The following PLCH1 variants were observed in gnomAD, a reference collection of about 807,000 sequenced individuals.
The protein encoded by PLCH1 is 1-phosphatidylinositol 4,5-bisphosphate phosphodiesterase eta-1.
PLCH1 carries 60 observed loss-of-function variants against 126.7 expected under a neutral mutation model. That is an observed-to-expected ratio of 0.47 (90% CI 0.38 to 0.59). The LOEUF is 0.59. Ranked by LOEUF, PLCH1 falls within the 20% of genes least tolerant of loss-of-function variation. The pLI is 0.00. For synonymous variants in PLCH1, 719 were observed against 734.9 expected (o/e 0.98, Z 0.35); for missense variants, 1,723 against 2,040.0 (o/e 0.84, Z 2.99).
intron 2 of PLCH1, among the ~76,000 whole-genome samples, chr3:155,653,964 C>A (rs1417920278): frequency 6.6e-6 from 1 of 151,632 alleles, no homozygotes; most frequent in Non-Finnish European, 1.5e-5. Flanking sequence ...AAAAAATTGT[C>A]TGTCTCCATT....
At chr3:155,526,237 G>T (rs530890213) in intron 10 of PLCH1, among the ~76,000 whole-genome samples, 10 of 152,160 alleles carry the variant, frequency 6.6e-5, no homozygotes, top group African/African-American at 2.4e-4. Context: ...TTTGAGCGTG[G>T]CCTGGACCTA....
intron 2 of PLCH1, among the ~76,000 whole-genome samples, chr3:155,597,653 G>A (rs1191668999): frequency 6.6e-6 from 1 of 152,028 alleles, no homozygotes; most frequent in Non-Finnish European, 1.5e-5. Context: ...ATCTTAACTA[G>A]GAAAGATAAT....
At chr3:155,731,768 A>G (rs1748787281) in intron 1 of PLCH1, among the ~76,000 whole-genome samples, 1 of 152,116 alleles carries the variant, frequency 6.6e-6, no homozygotes, top group African/African-American at 2.4e-5. Flanking sequence ...ATATAACTTG[A>G]ATTCAGGAGT....
chr3:155,727,391 CTT>C (rs55862258), intron 1 of PLCH1, among the ~76,000 whole-genome samples: 14 of 141,570 alleles, frequency 9.9e-5, no homozygotes, highest in Non-Finnish European at 1.1e-4. Context: ...GTACGAAATC[CTT>C]TTTTTTTTTT....
At chr3:155,686,922 T>C (rs780775902) in intron 2 of PLCH1, among the ~76,000 whole-genome samples, 73 of 152,336 alleles carry the variant, frequency 4.8e-4, no homozygotes, top group South Asian at 8.3e-4. Context: ...TCGCAGTAAA[T>C]GTATACTCTC....
chr3:155,597,862 G>C (rs1325930648), intron 2 of PLCH1, among the ~76,000 whole-genome samples: 1 of 152,074 alleles, frequency 6.6e-6, no homozygotes, highest in Non-Finnish European at 1.5e-5. Context: ...CATTTTATCT[G>C]ACATATCAAA....
intron 2 of PLCH1, among the ~76,000 whole-genome samples, chr3:155,655,729 AGGGGGTAGTGG>A (rs1188136451): frequency 6.6e-6 from 1 of 152,224 alleles, no homozygotes; most frequent in African/African-American, 2.4e-5. Flanking sequence ...GGAAAAGAGA[AGGGGGTAGTGG>A]GGACTTAGGA....
At chr3:155,697,603 C>T (rs927767521) in intron 2 of PLCH1, among the ~76,000 whole-genome samples, 17 of 152,186 alleles carry the variant, frequency 1.1e-4, no homozygotes, top group African/African-American at 4.1e-4. Flanking sequence ...CAAGGGGCAA[C>T]TTCACACCCC....
At chr3:155,658,200 T>A (rs1179872099) in intron 2 of PLCH1, 1 of 205,196 alleles carries the variant, frequency 4.9e-6, no homozygotes, top group African/African-American at 2.3e-5. Flanking sequence ...CGAGGCAACA[T>A]CACTCTTGGG....
chr3:155,481,860 A>T lies in PLCH1; in HGVS notation c.4166T>A (p.Val1389Glu). 6.2e-7 allele frequency: 1 copy of T among 1,614,152 alleles called. No individual in the cohort carries two copies. The highest frequency in any genetic ancestry group is 8.5e-7 in the Non-Finnish European group (1 of 1,180,014). The change falls in exon 23 of 23, where the codon GTA (valine) becomes GAA (glutamate). Residue 1389 changes from valine (V) to glutamate (E), a missense_variant. Around this residue, in one of 2 missense-constraint regions of PLCH1, gnomAD observed 947 missense variants for 977.1 expected, o/e 0.97. Coordinates refer to ENST00000460012, the MANE Select transcript of PLCH1 (RefSeq NM_014996.4). This position sits in a 1 kb window ranked among gnomAD's most constrained non-coding sequence, Gnocchi z 4.2. ...PLKLKYNQGV[V>E]EHFQRGLRNG... ...TCTCAAACCTCTTTGAAAGTGTTCT[A>T]CCACACCCTGATTGTACTTGAGTTT...
chr3:155,619,511 A>AG (rs754498429), intron 2 of PLCH1, among the ~76,000 whole-genome samples: 1 of 151,950 alleles, frequency 6.6e-6, no homozygotes, highest in African/African-American at 2.4e-5. Context: ...AAAAAAAAAA[A>AG]AAGAAGAAAA....
chr3:155,538,698 G>T (rs537318926), intron 10 of PLCH1, among the ~76,000 whole-genome samples: 2 of 151,994 alleles, frequency 1.3e-5, no homozygotes, highest in Non-Finnish European at 2.9e-5. Flanking sequence ...GGTTAAACCA[G>T]GAAGAAACAG....
intron 21 of PLCH1, among the ~76,000 whole-genome samples, chr3:155,473,650 G>A (rs1713387528): frequency 6.6e-6 from 1 of 151,946 alleles, no homozygotes; most frequent in African/African-American, 2.4e-5. Context: ...AAAGCTGGAG[G>A]CATCACACTC....
At chr3:155,487,930 A>G (rs1715518247) in intron 21 of PLCH1, 98 bp downstream of exon 21, 2 of 800,110 alleles carry the variant, frequency 2.5e-6, no homozygotes, top group Non-Finnish European at 4.2e-6. Flanking sequence ...GTTCAAGAAC[A>G]GTTTGTCAAA....
intron 1 of PLCH1, among the ~76,000 whole-genome samples, chr3:155,728,197 C>T (rs977501243): frequency 1.3e-5 from 2 of 151,916 alleles, no homozygotes; most frequent in Non-Finnish European, 1.5e-5. Flanking sequence ...ATGGTATCAG[C>T]GGGGGGCGAG....
chr3:155,585,869 G>C, intron 5 of PLCH1, among the ~76,000 whole-genome samples, 196 bp downstream of exon 5: 1 of 152,182 alleles, frequency 6.6e-6, no homozygotes, highest in Non-Finnish European at 1.5e-5. Flanking sequence ...GTTTTAGGAA[G>C]TGAAATTTTG....
chr3:155,686,069 G>C (rs1343530203), intron 2 of PLCH1, among the ~76,000 whole-genome samples: 1 of 152,114 alleles, frequency 6.6e-6, no homozygotes, highest in Admixed American at 6.6e-5. Flanking sequence ...GGGGCAAAGG[G>C]CCATGAGGTA....
chr3:155,483,439 A>G, intron 22 of PLCH1: 1 of 1,140,362 alleles, frequency 8.8e-7, no homozygotes, highest in Non-Finnish European at 1.2e-6. Flanking sequence ...GCATTGTGGT[A>G]CCTGTAAGCA....
At chr3:155,469,307 G>C (rs896052357) in intron 21 of PLCH1, among the ~76,000 whole-genome samples, 15 of 152,178 alleles carry the variant, frequency 9.9e-5, no homozygotes, top group Admixed American at 2.6e-4. Context: ...GTCAAAGAAA[G>C]GGGTGATGGA....
Sources: allele counts gnomAD v4.1 joint callset (sites outside exome capture counted in the v4.1 genomes callset), GRCh38; gene constraint gnomAD v4.1.1; regional missense constraint gnomAD v4.1.1; non-coding constraint Gnocchi (gnomAD v3.1); transcripts MANE v1.5; gene names NCBI Gene and HGNC (gene_info 2026-07-23, HGNC 2026-07-21).